Variants in LYPD6B observed in about 807,000 individuals in gnomAD.
LYPD6B encodes LY6/PLAUR domain containing 6B, also known as ly6/PLAUR domain-containing protein 6B.
A neutral mutation model predicts 22.8 loss-of-function variants in LYPD6B; 17 were observed. The observed-to-expected ratio is 0.75, with a 90% confidence interval of 0.51 to 1.12. The LOEUF (loss-of-function observed/expected upper bound fraction) is 1.12. LYPD6B is among the 50% of genes most tolerant of loss of function. The pLI is 0.00. For synonymous variants in LYPD6B, 106 were observed against 91.6 expected (o/e 1.16, Z -0.90); for missense variants, 221 against 258.3 (o/e 0.86, Z 0.99).
At chr2:149,050,994 G>T (rs1050878440) in intron 1 of LYPD6B, among the ~76,000 whole-genome samples, 1 of 151,168 alleles carries the variant, frequency 6.6e-6, no homozygotes, top group Non-Finnish European at 1.5e-5. Flanking sequence ...AAATAGTCAC[G>T]GTTTGCATTT....
intron 1 of LYPD6B, among the ~76,000 whole-genome samples, chr2:149,047,880 A>G (rs1420014615): frequency 2.0e-5 from 3 of 152,048 alleles, no homozygotes; most frequent in Admixed American, 1.3e-4. Flanking sequence ...TTCAAGTTCA[A>G]TGATTTTTTC....
chr2:149,050,987 T>C (rs1683525100), intron 1 of LYPD6B, among the ~76,000 whole-genome samples: 1 of 151,832 alleles, frequency 6.6e-6, no homozygotes, highest in Admixed American at 6.6e-5. Context: ...CACACAGAAA[T>C]AGTCACGGTT....
chr2:149,066,249 C>T (rs1391893053), intron 1 of LYPD6B, among the ~76,000 whole-genome samples: 1 of 151,686 alleles, frequency 6.6e-6, no homozygotes, highest in Non-Finnish European at 1.5e-5. Flanking sequence ...CATATGTATA[C>T]ATGTGCCATG....
intron 3 of LYPD6B, among the ~76,000 whole-genome samples, chr2:149,161,231 C>T (rs1436348740): frequency 6.6e-6 from 1 of 151,986 alleles, no homozygotes; most frequent in African/African-American, 2.4e-5. Context: ...AATACATTGC[C>T]GAATACACTT....
At chr2:149,104,784 A>G (rs1420298231) in intron 1 of LYPD6B, among the ~76,000 whole-genome samples, 2 of 152,174 alleles carry the variant, frequency 1.3e-5, no homozygotes, top group South Asian at 4.1e-4. Context: ...ATCTTTGCCT[A>G]ACCCAAAGTC....
chr2:149,208,380 A>G lies in LYPD6B; in HGVS notation c.296A>G (p.Asn99Ser), dbSNP rs373072214. The stretch of plus-strand genomic sequence containing the variant: ...AACGCAGGGGATAATTATAACTGCA[A>G]TCGATGGGCAGAAGACAAATGGTGT... ...CENAGDNYNCNRWAEDKWCPQ... is the reference protein window; with the variant it reads ...CENAGDNYNCSRWAEDKWCPQ... The change falls in exon 5 of 7, where the codon AAT becomes AGT. Residue 99 changes from asparagine to serine, a missense_variant. Coordinates refer to ENST00000409642, the MANE Select transcript of LYPD6B (RefSeq NM_177964.5). 362 of 1,613,730 alleles carry G rather than the reference A, an allele frequency of 2.2e-4. No homozygotes were observed. Among genetic ancestry groups the G allele is most frequent in the Non-Finnish European group, 2.9e-4 (338 of 1,179,670 alleles).
At chr2:149,061,248 G>A (rs1441030445) in intron 1 of LYPD6B, among the ~76,000 whole-genome samples, 4 of 151,036 alleles carry the variant, frequency 2.6e-5, no homozygotes, top group African/African-American at 9.7e-5. Flanking sequence ...ACAGGATGGA[G>A]TGCAGTGGAG....
intron 1 of LYPD6B, among the ~76,000 whole-genome samples, chr2:149,123,863 A>G (rs1377939575): frequency 6.6e-6 from 1 of 152,260 alleles, no homozygotes; most frequent in Non-Finnish European, 1.5e-5. Flanking sequence ...TCGTCTCTAA[A>G]TACATACATA....
chr2:149,127,660 G>A (rs556084864), intron 1 of LYPD6B, among the ~76,000 whole-genome samples: 11 of 151,650 alleles, frequency 7.3e-5, no homozygotes, highest in African/African-American at 2.2e-4. Flanking sequence ...TAATTTTTTG[G>A]TGGTCATAAA....
chr2:149,187,545 G>A, intron 3 of LYPD6B: 1 of 1,456,670 alleles, frequency 6.9e-7, no homozygotes, highest in Non-Finnish European at 9.0e-7. Flanking sequence ...AGGATCTCAG[G>A]CAACGTCAAT....
chr2:149,110,435 G>A (rs1686701949), intron 1 of LYPD6B, among the ~76,000 whole-genome samples: 1 of 152,006 alleles, frequency 6.6e-6, no homozygotes, highest in Non-Finnish European at 1.5e-5. Flanking sequence ...TTGCATTCCT[G>A]TAAATATTCT....
intron 1 of LYPD6B, among the ~76,000 whole-genome samples, chr2:149,098,408 T>C (rs1686005022): frequency 6.6e-6 from 1 of 152,024 alleles, no homozygotes; most frequent in Non-Finnish European, 1.5e-5. Context: ...GTGGGTAAAC[T>C]GAGGTCAGGA....
chr2:149,150,689 C>T (rs538585454), intron 2 of LYPD6B, among the ~76,000 whole-genome samples: 1 of 152,188 alleles, frequency 6.6e-6, no homozygotes, highest in East Asian at 1.9e-4. Flanking sequence ...GGCCTTCTCT[C>T]AGCCCTTTCA....
intron 2 of LYPD6B, among the ~76,000 whole-genome samples, chr2:149,146,966 G>A (rs920095237): frequency 1.2e-4 from 18 of 152,298 alleles, no homozygotes; most frequent in African/African-American, 3.6e-4. Context: ...ATTGAATCAC[G>A]AATACGGGTG....
intron 1 of LYPD6B, among the ~76,000 whole-genome samples, chr2:149,080,878 A>AG (rs1685104753): frequency 6.6e-6 from 1 of 151,070 alleles, no homozygotes; most frequent in Admixed American, 6.6e-5. Context: ...CCACACAAAA[A>AG]AATTCAGTAT....
At chr2:149,099,890 C>A (rs1412629933) in intron 1 of LYPD6B, among the ~76,000 whole-genome samples, 2 of 152,110 alleles carry the variant, frequency 1.3e-5, no homozygotes, top group Non-Finnish European at 2.9e-5. Flanking sequence ...AACTAGGCAG[C>A]CAGGGGCTTT....
intron 1 of LYPD6B, among the ~76,000 whole-genome samples, chr2:149,051,321 C>T (rs191721160): frequency 1.4e-4 from 21 of 152,080 alleles, no homozygotes; most frequent in African/African-American, 3.6e-4. Flanking sequence ...CCTGCCACCA[C>T]GCCCGGCTAA....
chr2:149,188,437 C>T (rs531579426), intron 3 of LYPD6B, among the ~76,000 whole-genome samples: 2 of 152,218 alleles, frequency 1.3e-5, no homozygotes, highest in South Asian at 2.1e-4. Flanking sequence ...GCCCTTGCAC[C>T]GAGGGTGGGG....
At chr2:149,118,302 T>C (rs1178183531) in intron 1 of LYPD6B, 3 of 152,244 alleles carry the variant, frequency 2.0e-5, no homozygotes, top group African/African-American at 7.2e-5. Context: ...GATGTTTTCT[T>C]GGGTTTGATA....
Sources: gnomAD v4.1 joint callset for allele counts (sites outside exome capture counted in the v4.1 genomes callset) on GRCh38, gnomAD v4.1.1 for gene constraint, MANE v1.5 for transcripts, NCBI Gene and HGNC (gene_info 2026-07-23, HGNC 2026-07-21) for gene names.